The following SPECC1 variants were observed in gnomAD, a reference collection of about 807,000 sequenced individuals.
The protein encoded by SPECC1 is cytospin-B.
A neutral mutation model predicts 104.1 loss-of-function variants in SPECC1; 62 were observed. The observed-to-expected ratio is 0.60, with a 90% CI of 0.49 to 0.74. The LOEUF (loss-of-function observed/expected upper bound fraction) is 0.74. Among genes scored for constraint, SPECC1 ranks in the 30% least tolerant of loss-of-function variants. The probability of loss-of-function intolerance (pLI) is 0.00; values close to 1 mark genes in which losing one functional copy is unlikely to be tolerated. For missense variants in SPECC1, 1,306 were observed against 1,310.5 expected, an observed-to-expected ratio of 1.00 and a Z score of 0.05; for synonymous variants, 513 against 501.6, an observed-to-expected ratio of 1.02 and a Z score of -0.30.
intron 1 of SPECC1, among the ~76,000 whole-genome samples, chr17:20,064,129 A>G (rs1298099275): frequency 6.6e-6 from 1 of 152,210 alleles, no homozygotes; most frequent in Non-Finnish European, 1.5e-5. Flanking sequence ...GGGCATGGAA[A>G]AAACCACGAA....
chr17:20,318,073 A>G lies in SPECC1; in HGVS notation c.*4008A>G, dbSNP rs1598192526. ...AGTTTCTGTCCTGAGGATTTCAAAG[A>G]CCACAACAGCCACATTTCTTTCCAT... On this transcript the variant is annotated 3_prime_UTR_variant, in exon 15 of 15. Coordinates refer to ENST00000395527, the MANE Select transcript of SPECC1 (RefSeq NM_001243439.2). 2.6e-5 allele frequency: 6 copies of G among 231,334 alleles called. No individual in the cohort carries two copies. The highest frequency in any genetic ancestry group is 5.1e-5 in the Non-Finnish European group (6 of 116,876). 14.3% of individuals were successfully genotyped at this position (231,334 alleles called of 1,614,324 possible).
chr17:20,037,997 T>A (rs998121635), intron 1 of SPECC1, among the ~76,000 whole-genome samples: 2 of 152,152 alleles, frequency 1.3e-5, no homozygotes, highest in African/African-American at 4.8e-5. Flanking sequence ...TGTGGTAATT[T>A]GTGTTTTTTC....
rs1434128443 is a variant in SPECC1, at chr17:20,205,549, A to C, written c.1500A>C (p.Glu500Asp). ...QLTCSLRKVE[E>D]ENQGALEMIK... is the part of the protein sequence containing the mutation. ...CCTGTAGCTTGCGGAAGGTTGAGGA[A>C]GAAAACCAAGGAGCTTTAGAAATGA... Residue 500 changes from glutamate (E) to aspartate (D), a missense_variant, in exon 4 of 15, where the codon GAA becomes GAC. Glu to Asp is a conservative substitution (Grantham distance 45, BLOSUM62 2). This residue lies in a region of SPECC1 where 1,177 missense variants were observed against 1,139.9 expected (regional missense o/e 1.03). Transcript: ENST00000395527. 1 of 1,614,132 alleles carries C rather than the reference A, an allele frequency of 6.2e-7. No individual in the cohort carries two copies. Among genetic ancestry groups the C allele is most frequent in the African/African-American group, 1.3e-5 (1 of 75,040 alleles).
At chr17:20,153,120 G>C (rs1185281541) in intron 3 of SPECC1, among the ~76,000 whole-genome samples, 2 of 152,184 alleles carry the variant, frequency 1.3e-5, no homozygotes, top group Non-Finnish European at 2.9e-5. Flanking sequence ...ACACAACTCA[G>C]TTCACAGCAG....
intron 1 of SPECC1, among the ~76,000 whole-genome samples, chr17:20,089,094 T>C (rs2047297836): frequency 6.6e-6 from 1 of 152,210 alleles, no homozygotes; most frequent in South Asian, 2.1e-4. Context: ...CCAAATGGAC[T>C]CAGACGGTGT....
intron 1 of SPECC1, among the ~76,000 whole-genome samples, chr17:20,042,322 T>TTATG (rs139963497): frequency 0.069 from 10,438 of 152,068 alleles, 955 homozygotes; most frequent in African/African-American, 0.21. Context: ...TAGGAGTGCC[T>TTATG]ACTGCTTGCC....
chr17:20,043,485 T>C (rs188106503), intron 1 of SPECC1, among the ~76,000 whole-genome samples: 521 of 152,350 alleles, frequency 3.4e-3, no homozygotes, highest in African/African-American at 0.012. Flanking sequence ...GCCACATCCT[T>C]TTGTTCTCTT....
intron 11 of SPECC1, among the ~76,000 whole-genome samples, chr17:20,259,858 T>C (rs2039963907): frequency 6.6e-6 from 1 of 152,246 alleles, no homozygotes; most frequent in Non-Finnish European, 1.5e-5. Context: ...TCTTGAAACA[T>C]GTAGGGTGTG....
chr17:20,101,422 A>G (rs1220610977), intron 2 of SPECC1, among the ~76,000 whole-genome samples: 1 of 152,194 alleles, frequency 6.6e-6, no homozygotes, highest in Admixed American at 6.5e-5. Flanking sequence ...ACCAGTGATG[A>G]TGAGCTTTTT....
chr17:20,141,818 A>G (rs1405642116), intron 3 of SPECC1, among the ~76,000 whole-genome samples: 1 of 152,050 alleles, frequency 6.6e-6, no homozygotes, highest in Admixed American at 6.5e-5. Context: ...TTCTGGACTA[A>G]TGTGTGTGCT....
chr17:20,293,390 T>G (rs1199923152), intron 12 of SPECC1, among the ~76,000 whole-genome samples: 1 of 152,204 alleles, frequency 6.6e-6, no homozygotes, highest in Non-Finnish European at 1.5e-5. Flanking sequence ...GCATTATTTC[T>G]CTTCATCCTG....
chr17:20,074,320 G>A (rs951798417), intron 1 of SPECC1, among the ~76,000 whole-genome samples: 2 of 152,212 alleles, frequency 1.3e-5, no homozygotes, highest in African/African-American at 2.4e-5. Flanking sequence ...GTGAAGCCCA[G>A]ATGGCAGAGT....
intron 1 of SPECC1, among the ~76,000 whole-genome samples, chr17:20,039,939 T>C (rs1186580334): frequency 6.6e-6 from 1 of 152,182 alleles, no homozygotes; most frequent in Non-Finnish European, 1.5e-5. Context: ...TCATTTACAT[T>C]TATGTAATTA....
At chr17:20,074,829 C>T (rs2046693926) in intron 1 of SPECC1, among the ~76,000 whole-genome samples, 1 of 152,206 alleles carries the variant, frequency 6.6e-6, no homozygotes. Context: ...ACTAAACTTT[C>T]ATTTGAAAAC....
intron 4 of SPECC1, among the ~76,000 whole-genome samples, chr17:20,223,941 C>T (rs768628966): frequency 6.6e-6 from 1 of 152,180 alleles, no homozygotes; most frequent in African/African-American, 2.4e-5. Context: ...TTTATTCAGT[C>T]TTCACAGTCT....
rs1238094472 is a variant in SPECC1, at chr17:20,204,580, CA to C, written c.534del (p.Ala179GlnfsTer13). 1.9e-6 allele frequency: 3 copies of C among 1,613,904 alleles called. No individual in the cohort carries two copies. In the African/African-American group the frequency reaches 4.0e-5, roughly 22 times the overall value. On this transcript the variant is annotated frameshift_variant, in exon 4 of 15. Coordinates refer to ENST00000395527, the MANE Select transcript of SPECC1 (RefSeq NM_001243439.2). LOFTEE classifies it high-confidence loss of function. ...SQVRELLAEA[K>X]AKDSEINRLR... ...AAGTTCGGGAACTTTTGGCAGAAGCCAAAGCAAAAGATAGTGAAATTAACAG... is the reference window on the plus strand; with the variant it reads ...AAGTTCGGGAACTTTTGGCAGAAGCCAAGCAAAAGATAGTGAAATTAACAG...
intron 12 of SPECC1, 27 bp from the exon 13 acceptor site, chr17:20,296,934 G>A: frequency 1.2e-6 from 2 of 1,606,126 alleles, no homozygotes; most frequent in Middle Eastern, 1.7e-4. Context: ...AATAGTTCTT[G>A]TTTATTACTA....
At chr17:20,035,212 G>A (rs950635868) in intron 1 of SPECC1, among the ~76,000 whole-genome samples, 3 of 152,202 alleles carry the variant, frequency 2.0e-5, no homozygotes, top group Non-Finnish European at 4.4e-5. Flanking sequence ...AAACTGGATA[G>A]ACTGATTCTT....
chr17:20,115,422 G>A (rs1266433845), intron 3 of SPECC1, among the ~76,000 whole-genome samples: 4 of 152,060 alleles, frequency 2.6e-5, no homozygotes, highest in Non-Finnish European at 4.4e-5. Context: ...GCAGTGAGCC[G>A]AGATCGTGCA....
Sources: gnomAD v4.1 joint callset for allele counts (sites outside exome capture counted in the v4.1 genomes callset) on GRCh38, gnomAD v4.1.1 for gene constraint, gnomAD v4.1.1 regional missense constraint, MANE v1.5 for transcripts, NCBI Gene and HGNC (gene_info 2026-07-23, HGNC 2026-07-21) for gene names.